The following PDE10A variants were observed in gnomAD, a reference collection of about 807,000 sequenced individuals.
The protein encoded by PDE10A is phosphodiesterase 10A, also known as cAMP and cAMP-inhibited cGMP 3',5'-cyclic phosphodiesterase 10A.
PDE10A carries 39 observed loss-of-function variants against 97.7 expected under a neutral mutation model. That is an observed-to-expected ratio of 0.40 (90% CI 0.31 to 0.52). PDE10A has a LOEUF of 0.52. PDE10A is among the 20% of genes least tolerant of loss of function. The pLI is 0.56. For synonymous variants in PDE10A, 371 were observed against 376.8 expected, an observed-to-expected ratio of 0.98 and a Z score of 0.18; for missense variants, 731 against 1,047.8, an observed-to-expected ratio of 0.70 and a Z score of 4.17.
At chr6:165,664,454 G>C (rs1790445267), upstream of PDE10A, among the ~76,000 whole-genome samples, 2 of 152,170 alleles carry the variant, frequency 1.3e-5, no homozygotes, top group East Asian at 3.9e-4. Context: ...AAAGTCCACA[G>C]ACGTCTCCGC....
rs199614476 is a variant in PDE10A, at chr6:165,361,462, T to TC, written c.2783+17731dup. On this transcript the variant is annotated intron_variant, in intron 18 of 21. Transcript: ENST00000539869. The stretch of plus-strand genomic sequence containing the variant: ...TATGACTATTATGCACGAAATTGTG[T>TC]CCCTCAAAGAGATATGCTGAAGTCC... 5.7e-3 allele frequency among the ~76,000 whole-genome samples: 872 copies of TC among 152,330 alleles called. 7 individuals are homozygous for TC. In the Middle Eastern group the frequency reaches 0.075, roughly 13 times the overall value.
At chr6:165,427,483 G>T (rs747628403) in intron 10 of PDE10A, among the ~76,000 whole-genome samples, 1 of 152,032 alleles carries the variant, frequency 6.6e-6, no homozygotes, top group Admixed American at 6.6e-5. Flanking sequence ...AAATAGGGGC[G>T]TAAGGAAGTG....
chr6:165,807,804 CT>C (rs1779179542), intron 1 of PDE10A, among the ~76,000 whole-genome samples: 2 of 152,118 alleles, frequency 1.3e-5, no homozygotes, highest in African/African-American at 2.4e-5. Flanking sequence ...GCAACGATAA[CT>C]TTTTCAGTTT....
At chr6:165,461,423 C>CG (rs1213926065) in intron 3 of PDE10A, among the ~76,000 whole-genome samples, 2 of 152,024 alleles carry the variant, frequency 1.3e-5, no homozygotes, top group African/African-American at 4.8e-5. Context: ...TATTCTGGCT[C>CG]GAAAAGTAAA....
intron 1 of PDE10A, among the ~76,000 whole-genome samples, chr6:165,926,169 T>G (rs752026676): frequency 1.2e-4 from 19 of 152,208 alleles, no homozygotes; most frequent in Non-Finnish European, 2.5e-4. Flanking sequence ...GTGAATGAAG[T>G]ACCAGCAATA....
intron 2 of PDE10A, among the ~76,000 whole-genome samples, chr6:165,494,765 C>T (rs1252260474): frequency 6.6e-6 from 1 of 152,054 alleles, no homozygotes; most frequent in Non-Finnish European, 1.5e-5. Context: ...ACTAAATCTT[C>T]CATGAGTAAG....
intron 1 of PDE10A, among the ~76,000 whole-genome samples, chr6:165,762,740 A>C (rs2128458273): frequency 6.6e-6 from 1 of 152,284 alleles, no homozygotes; most frequent in Middle Eastern, 3.4e-3. Flanking sequence ...TTTATTGCTA[A>C]CAAACAATTG....
At chr6:165,380,340 T>G (rs1784855729) in intron 17 of PDE10A, among the ~76,000 whole-genome samples, 1 of 152,194 alleles carries the variant, frequency 6.6e-6, no homozygotes, top group South Asian at 2.1e-4. Context: ...AACACAATGA[T>G]TGAAGCATAT....
chr6:165,434,900 T>C (rs1224344837), intron 6 of PDE10A, among the ~76,000 whole-genome samples: 2 of 152,214 alleles, frequency 1.3e-5, no homozygotes, highest in Non-Finnish European at 2.9e-5. Flanking sequence ...TAGTTTGTCA[T>C]ACAGCAATAG....
chr6:165,916,308 A>C (rs1490223909), intron 1 of PDE10A, among the ~76,000 whole-genome samples: 1 of 152,240 alleles, frequency 6.6e-6, no homozygotes, highest in Non-Finnish European at 1.5e-5. Context: ...TCGATTCCAC[A>C]CGTTCTTCTC....
At chr6:165,929,982 A>G (rs1396758948) in intron 1 of PDE10A, among the ~76,000 whole-genome samples, 6 of 140,876 alleles carry the variant, frequency 4.3e-5, no homozygotes, top group African/African-American at 1.6e-4. Context: ...CCAGGCGTGA[A>G]GGCGGCAGGT....
intron 1 of PDE10A, among the ~76,000 whole-genome samples, chr6:165,646,067 G>A (rs1789381323): frequency 6.6e-6 from 1 of 152,178 alleles, no homozygotes; most frequent in African/African-American, 2.4e-5. Context: ...GCCTTCTCAG[G>A]AAAATGGGCC....
intron 3 of PDE10A, among the ~76,000 whole-genome samples, chr6:165,474,862 C>A (rs1030219869): frequency 1.3e-5 from 2 of 152,096 alleles, no homozygotes; most frequent in Admixed American, 1.3e-4. Context: ...TAAATAAGTG[C>A]CTGACATTGA....
At chr6:165,499,761 T>C (rs970026617) in intron 2 of PDE10A, among the ~76,000 whole-genome samples, 2 of 152,174 alleles carry the variant, frequency 1.3e-5, no homozygotes, top group African/African-American at 4.8e-5. Context: ...CTACAGAAAT[T>C]GCCTTCTAAT....
chr6:165,411,702 T>G (rs1787851451), intron 13 of PDE10A, among the ~76,000 whole-genome samples: 1 of 152,174 alleles, frequency 6.6e-6, no homozygotes, highest in African/African-American at 2.4e-5. Flanking sequence ...AAATACAAAC[T>G]GAATCATTTA....
intron 1 of PDE10A, among the ~76,000 whole-genome samples, chr6:165,894,820 A>G (rs1781902182): frequency 6.6e-6 from 1 of 152,256 alleles, no homozygotes; most frequent in Non-Finnish European, 1.5e-5. Flanking sequence ...CCTAAAACTG[A>G]TACCACAAGA....
At chr6:165,844,962 G>A (rs996920932) in intron 1 of PDE10A, among the ~76,000 whole-genome samples, 1 of 152,186 alleles carries the variant, frequency 6.6e-6, no homozygotes, top group Non-Finnish European at 1.5e-5. Context: ...ACAGACTGCT[G>A]TATATTCTCA....
At chr6:165,635,830 A>G (rs967489431) in intron 1 of PDE10A, among the ~76,000 whole-genome samples, 6 of 152,224 alleles carry the variant, frequency 3.9e-5, no homozygotes, top group Non-Finnish European at 5.9e-5. Flanking sequence ...AATTATTAAT[A>G]AAAAATAGAG....
chr6:165,834,975 G>C (rs1780028835), intron 1 of PDE10A, among the ~76,000 whole-genome samples: 2 of 152,238 alleles, frequency 1.3e-5, no homozygotes, highest in African/African-American at 4.8e-5. Context: ...CCAGGGCTTG[G>C]GAGCTCAGGG....
Sources: gnomAD v4.1 joint callset for allele counts (sites outside exome capture counted in the v4.1 genomes callset) on GRCh38, gnomAD v4.1.1 for gene constraint, MANE v1.5 for transcripts, NCBI Gene and HGNC (gene_info 2026-07-23, HGNC 2026-07-21) for gene names.